ZNF569: variants seen among roughly 807,000 people sequenced by gnomAD.
ZNF569 encodes the protein DNA-binding protein.
In ZNF569, 38 loss-of-function variants were observed where a neutral mutation model predicts 56.3. The ratio of observed to expected loss-of-function variants is 0.68; its 90% CI spans 0.52 to 0.88. ZNF569 has a LOEUF of 0.88. Among genes scored for constraint, ZNF569 ranks in the 40% least tolerant of loss-of-function variants. The probability of loss-of-function intolerance (pLI) is 0.00; values close to 1 mark genes in which losing one functional copy is unlikely to be tolerated. For synonymous variants in ZNF569, 241 were observed against 262.9 expected (o/e 0.92, Z 0.81); for missense variants, 666 against 809.2 (o/e 0.82, Z 2.15).
At chr19:37,419,846 G>T (rs911789447) in intron 5 of ZNF569, among the ~76,000 whole-genome samples, 1 of 151,950 alleles carries the variant, frequency 6.6e-6, no homozygotes, top group African/African-American at 2.4e-5. Flanking sequence ...TGAACCTTCA[G>T]TGAGTCATAA....
rs2041858929 is a variant in ZNF569 at position 37,467,226 on chromosome 19, G to C, written c.-347C>G. On this transcript the variant is annotated 5_prime_UTR_variant, in exon 1 of 6. Transcript: ENST00000316950. ...CACAAGTCTCGGTCCGTTACACCAG[G>C]GGCGACGCTTCCCAGAGGCCCCCGC... is the stretch of plus-strand genomic sequence containing the variant. 1 of 152,384 alleles carries C rather than the reference G, an allele frequency of 6.6e-6. No homozygotes were observed. The highest frequency in any genetic ancestry group is 2.4e-5 in the African/African-American group (1 of 41,456). The allele number at this position is 152,384 out of a possible 1,614,324, so 9.4% of individuals were successfully genotyped here.
chr19:37,446,750 C>T (rs2041504573), intron 2 of ZNF569, among the ~76,000 whole-genome samples: 1 of 151,898 alleles, frequency 6.6e-6, no homozygotes, highest in African/African-American at 2.4e-5. Flanking sequence ...ACAACAAAAA[C>T]AAAGATAAAC....
intron 3 of ZNF569, among the ~76,000 whole-genome samples, chr19:37,443,178 C>G (rs2041435952): frequency 6.6e-6 from 1 of 152,170 alleles, no homozygotes; most frequent in African/African-American, 2.4e-5. Flanking sequence ...GAAACCCTGT[C>G]TCTACTAAAA....
At chr19:37,451,853 C>A (rs1271316156) in intron 2 of ZNF569, among the ~76,000 whole-genome samples, 1 of 152,182 alleles carries the variant, frequency 6.6e-6, no homozygotes, top group Non-Finnish European at 1.5e-5. Flanking sequence ...TTGTAGACAG[C>A]ATATAGTTGG....
chr19:37,452,118 G>C (rs1441526626), intron 2 of ZNF569, among the ~76,000 whole-genome samples: 1 of 150,882 alleles, frequency 6.6e-6, no homozygotes, highest in Non-Finnish European at 1.5e-5. Context: ...TTAGTTTGGG[G>C]CTTACATAAA....
intron 3 of ZNF569, among the ~76,000 whole-genome samples, chr19:37,441,566 C>T (rs1454928068): frequency 1.3e-5 from 2 of 151,496 alleles, no homozygotes; most frequent in Non-Finnish European, 2.9e-5. Flanking sequence ...TAGCTGAAGG[C>T]GGGAGGATTG....
chr19:37,435,640 T>A (rs896391143), intron 3 of ZNF569, among the ~76,000 whole-genome samples: 1 of 151,952 alleles, frequency 6.6e-6, no homozygotes, highest in African/African-American at 2.4e-5. Flanking sequence ...AAGACACACA[T>A]AGACTGAAAA....
chr19:37,426,065 A>G (rs945495659), intron 4 of ZNF569, 102 bp from the exon 5 acceptor site: 1 of 1,399,240 alleles, frequency 7.1e-7, no homozygotes. Flanking sequence ...AGGACAAGAA[A>G]ATGTGGCTTC....
In ZNF569 at chr19:37,411,601, TA is replaced by T. The variant is rs2040841715; in HGVS notation, c.*995del. 1 of 152,194 alleles carries T rather than the reference TA, an allele frequency of 6.6e-6. No homozygotes were observed. The highest frequency in any genetic ancestry group is 1.5e-5 in the Non-Finnish European group (1 of 67,984). 9.4% of individuals were successfully genotyped at this position (152,194 alleles called of 1,614,324 possible). On this transcript the variant is annotated 3_prime_UTR_variant, in exon 6 of 6. Coordinates refer to ENST00000316950, the MANE Select transcript of ZNF569 (RefSeq NM_152484.3). ...GACTATTCCATGTTTACATGTTTTT[TA>T]AAGAAATCTTGTTACCCTAAAGTAA...
intron 2 of ZNF569, among the ~76,000 whole-genome samples, chr19:37,457,542 A>G (rs945631355): frequency 4.6e-5 from 7 of 152,218 alleles, no homozygotes; most frequent in African/African-American, 7.2e-5. Flanking sequence ...TTGTAGGGAC[A>G]TGGATGAAGC....
chr19:37,463,377 G>A (rs1296453111), intron 2 of ZNF569, among the ~76,000 whole-genome samples: 7 of 152,070 alleles, frequency 4.6e-5, no homozygotes, highest in East Asian at 1.9e-4. Context: ...CATTACACAC[G>A]TAACCTAGGT....
chr19:37,439,487 C>T (rs1433260553), intron 3 of ZNF569, among the ~76,000 whole-genome samples: 9 of 152,172 alleles, frequency 5.9e-5, no homozygotes, highest in Non-Finnish European at 1.3e-4. Flanking sequence ...TGATGGAAAA[C>T]AGTTTGGAAG....
In ZNF569 at chr19:37,428,344, A is replaced by AATG. The variant is rs1555835831; in HGVS notation, c.16-1967_16-1966insCAT. On this transcript the variant is annotated intron_variant, in intron 3 of 5. Coordinates refer to ENST00000316950, the MANE Select transcript of ZNF569 (RefSeq NM_152484.3). ...CATAGCAAAACCTCATCTCTACAATAAATGAATGAATGAATGAATGAATGA... is the reference window on the plus strand; with the variant it reads ...CATAGCAAAACCTCATCTCTACAATAATGAATGAATGAATGAATGAATGAATGA... Among the ~76,000 whole-genome samples, 464 of 140,196 alleles carry AATG rather than the reference A, an allele frequency of 3.3e-3. 3 individuals carry two copies. The highest frequency in any genetic ancestry group is 3.5e-3 in the Middle Eastern group (1 of 282). 92.0% of individuals were successfully genotyped at this position (140,196 alleles called of 152,430 possible).
intron 2 of ZNF569, among the ~76,000 whole-genome samples, chr19:37,452,569 T>A (rs2041612349): frequency 6.6e-6 from 1 of 152,134 alleles, no homozygotes; most frequent in South Asian, 2.1e-4. Flanking sequence ...TATTCCGGGT[T>A]GGCAGAGATT....
chr19:37,445,060 G>T, intron 2 of ZNF569, 96 bp from the exon 3 acceptor site: 1 of 895,808 alleles, frequency 1.1e-6, no homozygotes, highest in Non-Finnish European at 1.7e-6. Flanking sequence ...GTAGTGGAAT[G>T]ATAATTAAAT....
rs183262769 is a variant in ZNF569 at position 37,420,194 on chromosome 19, T to A, written c.238+5674A>T. ...TAGTAGAGACGGGGTTTCACTATGTTGGCCAGGCTAGTCTCGAACTCCTGA... is the reference window on the plus strand; with the variant it reads ...TAGTAGAGACGGGGTTTCACTATGTAGGCCAGGCTAGTCTCGAACTCCTGA... On this transcript the variant is annotated intron_variant, in intron 5 of 5. Coordinates refer to ENST00000316950, the MANE Select transcript of ZNF569 (RefSeq NM_152484.3). 2.6e-4 allele frequency among the ~76,000 whole-genome samples: 39 copies of A among 152,108 alleles called. No individual in the cohort carries two copies. In the Middle Eastern group the frequency reaches 0.01, roughly 40 times the overall value.
At chr19:37,439,718 A>G (rs1204346550) in intron 3 of ZNF569, among the ~76,000 whole-genome samples, 3 of 152,246 alleles carry the variant, frequency 2.0e-5, no homozygotes, top group Non-Finnish European at 4.4e-5. Flanking sequence ...TTGGAGTACT[A>G]TTCAGCCATA....
At chr19:37,437,379 C>T (rs117268608) in intron 3 of ZNF569, among the ~76,000 whole-genome samples, 115 of 152,128 alleles carry the variant, frequency 7.6e-4, no homozygotes, top group African/African-American at 2.4e-3. Flanking sequence ...AGTATCATAC[C>T]GAATGGGGAA....
At chr19:37,429,072 A>G (rs2041183573) in intron 3 of ZNF569, among the ~76,000 whole-genome samples, 1 of 152,234 alleles carries the variant, frequency 6.6e-6, no homozygotes, top group Admixed American at 6.5e-5. Flanking sequence ...GTGCAATACT[A>G]TAGCACCCAC....
Sources: allele counts gnomAD v4.1 joint callset (sites outside exome capture counted in the v4.1 genomes callset), GRCh38; gene constraint gnomAD v4.1.1; transcripts MANE v1.5; gene names NCBI Gene and HGNC (gene_info 2026-07-23, HGNC 2026-07-21).